LPP: variants seen among roughly 807,000 people sequenced by gnomAD.
The protein encoded by LPP is lipoma-preferred partner.
In LPP, 38 loss-of-function variants were observed where a neutral mutation model predicts 60.4. The ratio of observed to expected loss-of-function variants is 0.63; its 90% CI spans 0.49 to 0.83. LPP has a LOEUF of 0.83. Ranked by LOEUF, LPP falls within the 40% of genes least tolerant of loss-of-function variation. The pLI is 0.00. For missense variants in LPP, 902 were observed against 783.6 expected (o/e 1.15, Z -1.80); for synonymous variants, 328 against 290.8 (o/e 1.13, Z -1.30).
chr3:188,867,084 C>T (rs1372741598), intron 10 of LPP, among the ~76,000 whole-genome samples: 1 of 152,026 alleles, frequency 6.6e-6, no homozygotes, highest in Non-Finnish European at 1.5e-5. Context: ...GCCAGTTATT[C>T]ATGGGCCCAA....
At chr3:188,631,113 C>G (rs1281987464) in intron 7 of LPP, among the ~76,000 whole-genome samples, 1 of 152,072 alleles carries the variant, frequency 6.6e-6, no homozygotes, top group Non-Finnish European at 1.5e-5. Flanking sequence ...GTACACCAAA[C>G]CCCTGGGACA....
intron 2 of LPP, among the ~76,000 whole-genome samples, chr3:188,241,501 A>G (rs1269735635): frequency 6.6e-6 from 1 of 152,144 alleles, no homozygotes; most frequent in African/African-American, 2.4e-5. Flanking sequence ...TTGAAGGTTC[A>G]TTTATGTTGA....
chr3:188,767,242 T>A (rs1362709047), intron 9 of LPP, among the ~76,000 whole-genome samples: 1 of 152,132 alleles, frequency 6.6e-6, no homozygotes, highest in African/African-American at 2.4e-5. Context: ...ATTAATTACC[T>A]ACTAACTACA....
intron 1 of LPP, among the ~76,000 whole-genome samples, chr3:188,163,285 C>A (rs188387061): frequency 6.6e-6 from 1 of 152,120 alleles, no homozygotes; most frequent in Non-Finnish European, 1.5e-5. Context: ...GTGTGGGAAC[C>A]TTTCATGGGC....
chr3:188,825,144 A>C lies in LPP; in HGVS notation c.1411-41056A>C, dbSNP rs1397319231. 2.0e-5 allele frequency among the ~76,000 whole-genome samples: 3 copies of C among 152,196 alleles called. No homozygotes were observed. In the East Asian group the frequency reaches 5.8e-4, roughly 29 times the overall value. On this transcript the variant is annotated intron_variant, in intron 9 of 11. Transcript: ENST00000617246. ...CCCAAAGTTAGGACTGATTATGAAT[A>C]TCATCAATGATTGTTTTTAAATGTC...
chr3:188,792,783 C>T (rs1409820592), intron 9 of LPP, among the ~76,000 whole-genome samples: 1 of 152,150 alleles, frequency 6.6e-6, no homozygotes, highest in Non-Finnish European at 1.5e-5. Flanking sequence ...TCCCTCTGCT[C>T]AGTCACCCAC....
intron 9 of LPP, among the ~76,000 whole-genome samples, chr3:188,778,851 A>G (rs533893372): frequency 2.6e-5 from 4 of 152,198 alleles, no homozygotes; most frequent in Non-Finnish European, 5.9e-5. Flanking sequence ...GAAATTTGTA[A>G]GCAGACACAA....
intron 3 of LPP, among the ~76,000 whole-genome samples, chr3:188,386,697 A>G (rs537159139): frequency 1.3e-5 from 2 of 152,288 alleles, no homozygotes; most frequent in East Asian, 3.9e-4. Context: ...CTTCTATTAA[A>G]TGAACCTTTA....
At chr3:188,376,007 G>A (rs1774950751) in intron 3 of LPP, among the ~76,000 whole-genome samples, 1 of 152,204 alleles carries the variant, frequency 6.6e-6, no homozygotes, top group Non-Finnish European at 1.5e-5. Flanking sequence ...TCACGTAGTT[G>A]AGCTGTTTTG....
intron 2 of LPP, among the ~76,000 whole-genome samples, chr3:188,247,363 C>T (rs1180162509): frequency 2.6e-5 from 4 of 151,952 alleles, no homozygotes; most frequent in Non-Finnish European, 5.9e-5. Flanking sequence ...TAGTTTTATA[C>T]ACTGTGTTAA....
At chr3:188,752,849 G>A (rs941135236) in intron 8 of LPP, among the ~76,000 whole-genome samples, 1 of 152,202 alleles carries the variant, frequency 6.6e-6, no homozygotes, top group Non-Finnish European at 1.5e-5. Context: ...CTGATGGAAA[G>A]CTAGAGTTGA....
intron 4 of LPP, among the ~76,000 whole-genome samples, chr3:188,465,600 A>G (rs1351452703): frequency 6.6e-6 from 1 of 152,194 alleles, no homozygotes; most frequent in Admixed American, 6.5e-5. Flanking sequence ...TCTAATAAAC[A>G]AACAGATAAT....
intron 2 of LPP, among the ~76,000 whole-genome samples, chr3:188,294,840 C>T (rs971188147): frequency 2.0e-5 from 3 of 152,188 alleles, no homozygotes; most frequent in Admixed American, 2.0e-4. Context: ...TGATAATGAG[C>T]CCCAGAAAGA....
At chr3:188,749,603 G>A (rs111496252) in intron 8 of LPP, among the ~76,000 whole-genome samples, 17 of 152,272 alleles carry the variant, frequency 1.1e-4, no homozygotes, top group African/African-American at 4.1e-4. Context: ...CCAGCTCAAA[G>A]ATCACTGGAC....
rs559182136 is a variant in LPP at position 188,709,413 on chromosome 3, C to T, written c.1240+1020C>T. ...GCTCTGTCACCCAGGCTAGAGTATACTGGCGTGATCTTGGCTCACTGCAAC... is the reference window on the plus strand; with the variant it reads ...GCTCTGTCACCCAGGCTAGAGTATATTGGCGTGATCTTGGCTCACTGCAAC... On this transcript the variant is annotated intron_variant, in intron 8 of 11. Transcript: ENST00000617246. The T allele has an allele frequency of 2.0e-5, 3 of 152,194 alleles. No homozygotes were observed. The East Asian group carries it at 5.8e-4, about 29-fold the overall frequency. The allele number at this position is 152,194 out of a possible 1,614,324, so 9.4% of individuals were successfully genotyped here.
At chr3:188,168,678 G>A (rs1720717349) in intron 1 of LPP, among the ~76,000 whole-genome samples, 1 of 152,104 alleles carries the variant, frequency 6.6e-6, no homozygotes, top group Admixed American at 6.5e-5. Flanking sequence ...AAATAAAATA[G>A]ACAATTTAGA....
chr3:188,370,283 C>G (rs960318246), intron 3 of LPP, among the ~76,000 whole-genome samples: 2 of 152,136 alleles, frequency 1.3e-5, no homozygotes, highest in African/African-American at 4.8e-5. Flanking sequence ...TAGTTTCATT[C>G]TACAGCTATA....
At chr3:188,353,304 G>C (rs1766504695) in intron 3 of LPP, among the ~76,000 whole-genome samples, 1 of 152,188 alleles carries the variant, frequency 6.6e-6, no homozygotes, top group Non-Finnish European at 1.5e-5. Context: ...GTAAGTTTTT[G>C]TTGAGTTGAA....
chr3:188,520,730 A>T (rs1323936281), intron 5 of LPP, among the ~76,000 whole-genome samples: 1 of 152,184 alleles, frequency 6.6e-6, no homozygotes, highest in East Asian at 1.9e-4. Context: ...AATCTTTGAA[A>T]TCTCTCTAGT....
Sources: gnomAD v4.1 joint callset for allele counts (sites outside exome capture counted in the v4.1 genomes callset) on GRCh38, gnomAD v4.1.1 for gene constraint, MANE v1.5 for transcripts, NCBI Gene and HGNC (gene_info 2026-07-23, HGNC 2026-07-21) for gene names.